PDGFC: variants seen among roughly 807,000 people sequenced by gnomAD.
The protein encoded by PDGFC is platelet-derived growth factor C.
PDGFC carries 12 observed loss-of-function variants against 35.5 expected under a neutral mutation model. The observed-to-expected ratio is 0.34, with a 90% CI of 0.22 to 0.55. PDGFC has a LOEUF of 0.55. PDGFC is among the 20% of genes least tolerant of loss of function. The pLI, the probability that PDGFC is intolerant of heterozygous loss-of-function variation, is 0.91. For synonymous variants in PDGFC, 159 were observed against 148.8 expected (o/e 1.07, Z -0.50); for missense variants, 322 against 412.4 (o/e 0.78, Z 1.90).
At chr4:156,770,625 T>C (rs1183606012) in intron 4 of PDGFC, 1 of 152,132 alleles carries the variant, frequency 6.6e-6, no homozygotes, top group Non-Finnish European at 1.5e-5. Context: ...CAGATTTTTT[T>C]CCTTTTCATA....
At chr4:156,859,499 C>T (rs1729658731) in intron 1 of PDGFC, among the ~76,000 whole-genome samples, 1 of 152,092 alleles carries the variant, frequency 6.6e-6, no homozygotes, top group Non-Finnish European at 1.5e-5. Context: ...TGTTTGGTTT[C>T]AGCAGTAATT....
chr4:156,847,851 A>G (rs1481794155), intron 2 of PDGFC, among the ~76,000 whole-genome samples: 2 of 132,520 alleles, frequency 1.5e-5, no homozygotes, highest in East Asian at 4.2e-4. Context: ...CAGTTAAGAC[A>G]GTGTCATTCA....
chr4:156,867,382 T>TA (rs1729870179), intron 1 of PDGFC, among the ~76,000 whole-genome samples: 1 of 152,248 alleles, frequency 6.6e-6, no homozygotes, highest in African/African-American at 2.4e-5. Context: ...TGCCAGGTGA[T>TA]ACTTCTTTCT....
chr4:156,870,025 C>T (rs1729941577), intron 1 of PDGFC, among the ~76,000 whole-genome samples: 1 of 151,346 alleles, frequency 6.6e-6, no homozygotes, highest in African/African-American at 2.4e-5. Context: ...CATGTATTTT[C>T]CCATATTGAT....
intron 3 of PDGFC, among the ~76,000 whole-genome samples, chr4:156,802,011 A>C (rs1731624564): frequency 6.6e-6 from 1 of 152,102 alleles, no homozygotes; most frequent in Admixed American, 6.6e-5. Context: ...CAAATACATA[A>C]TTGTCTATTT....
chr4:156,818,282 C>G (rs1190211479), intron 2 of PDGFC, among the ~76,000 whole-genome samples: 1 of 151,552 alleles, frequency 6.6e-6, no homozygotes, highest in Non-Finnish European at 1.5e-5. Flanking sequence ...TTATGGCAAC[C>G]CTGTGTGAAA....
intron 2 of PDGFC, among the ~76,000 whole-genome samples, chr4:156,833,134 T>C (rs1469172419): frequency 6.6e-6 from 1 of 152,240 alleles, no homozygotes; most frequent in South Asian, 2.1e-4. Context: ...CACAAGGCTG[T>C]ACATTTCTGT....
At chr4:156,944,425 T>C (rs796287990) in intron 1 of PDGFC, among the ~76,000 whole-genome samples, 21 of 152,258 alleles carry the variant, frequency 1.4e-4, no homozygotes, top group African/African-American at 4.3e-4. Context: ...TGCTTCTTTC[T>C]CTTCTATTGA....
In PDGFC at chr4:156,971,534, C is replaced by T. The variant is rs1579135208; in HGVS notation, c.-631G>A. 2 of 180,096 alleles carry T rather than the reference C, an allele frequency of 1.1e-5. No individual in the cohort carries two copies. The highest frequency in any genetic ancestry group is 3.2e-4 in the East Asian group (2 of 6,298). The allele number at this position is 180,096 out of a possible 1,614,324, so 11.2% of individuals were successfully genotyped here. A position where few individuals can be genotyped will look rare whatever the true frequency, so the allele number is the denominator to read the frequency against. Reference sequence around the variant, plus strand: ...GGGCCGACGGCGGCCCGGGCGCAGGCGGAGAGAGGCCGCGGGGCTCCCGCT... The same window carrying T: ...GGGCCGACGGCGGCCCGGGCGCAGGTGGAGAGAGGCCGCGGGGCTCCCGCT... On this transcript the variant is annotated 5_prime_UTR_variant, in exon 1 of 6. Coordinates refer to ENST00000502773, the MANE Select transcript of PDGFC (RefSeq NM_016205.3).
chr4:156,761,781 T>C lies in PDGFC; in HGVS notation c.*1309A>G, dbSNP rs1414458194. ...CAATAAGTGAACTGGTTAAGAGACA[T>C]ACTTCTGTACATAAAAATATCCATG... On this transcript the variant is annotated 3_prime_UTR_variant, in exon 6 of 6. Transcript: ENST00000502773. The C allele has an allele frequency of 2.6e-5, 4 of 152,660 alleles. No homozygotes were observed. The highest frequency in any genetic ancestry group is 9.6e-5 in the African/African-American group (4 of 41,466). The allele number at this position is 152,660 out of a possible 1,614,324, so 9.5% of individuals were successfully genotyped here. A position where few individuals can be genotyped will look rare whatever the true frequency, so the allele number is the denominator to read the frequency against.
chr4:156,930,706 A>G (rs982093027), intron 1 of PDGFC, among the ~76,000 whole-genome samples: 1 of 151,924 alleles, frequency 6.6e-6, no homozygotes, highest in Non-Finnish European at 1.5e-5. Context: ...TGTCTCTACT[A>G]AAAAAACAAA....
At chr4:156,888,871 T>C (rs1262867768) in intron 1 of PDGFC, among the ~76,000 whole-genome samples, 1 of 152,164 alleles carries the variant, frequency 6.6e-6, no homozygotes, top group Non-Finnish European at 1.5e-5. Flanking sequence ...ATTAGAGAGA[T>C]TGCTCACCCA....
chr4:156,800,079 A>G (rs1215294065), intron 3 of PDGFC, among the ~76,000 whole-genome samples: 4 of 152,162 alleles, frequency 2.6e-5, no homozygotes. Context: ...GTCAAGAGGC[A>G]GTCTGATTTT....
Position 156,762,997 on chromosome 4 carries a change from T to G in PDGFC, c.*93A>C. On this transcript the variant is annotated 3_prime_UTR_variant, in exon 6 of 6. Coordinates refer to ENST00000502773, the MANE Select transcript of PDGFC (RefSeq NM_016205.3). The stretch of plus-strand genomic sequence containing the variant: ...ATGAAAGGTCCTTGAAGCAAACAAC[T>G]GAGATTAAGGATGGAGATAACGCAT... 1.3e-5 allele frequency: 9 copies of G among 709,566 alleles called. No homozygotes were observed. Among genetic ancestry groups the G allele is most frequent in the Non-Finnish European group, 2.4e-5 (9 of 380,372 alleles). 44.0% of individuals were successfully genotyped at this position (709,566 alleles called of 1,614,324 possible).
chr4:156,886,356 T>A (rs1265321285), intron 1 of PDGFC, among the ~76,000 whole-genome samples: 1 of 152,212 alleles, frequency 6.6e-6, no homozygotes, highest in Non-Finnish European at 1.5e-5. Flanking sequence ...AACTGCTACT[T>A]CATCCCAAAA....
chr4:156,862,833 T>C (rs1299830537), intron 1 of PDGFC, among the ~76,000 whole-genome samples: 1 of 151,930 alleles, frequency 6.6e-6, no homozygotes, highest in East Asian at 1.9e-4. Flanking sequence ...TAGCTGGGAT[T>C]ACAGGCACCT....
chr4:156,765,078 T>A (rs10010158), intron 5 of PDGFC, among the ~76,000 whole-genome samples: 1 of 152,122 alleles, frequency 6.6e-6, no homozygotes, highest in Non-Finnish European at 1.5e-5. Flanking sequence ...CCTGTCTTTG[T>A]CTGCTGATGC....
At chr4:156,797,851 G>C (rs1731492089) in intron 3 of PDGFC, among the ~76,000 whole-genome samples, 1 of 152,096 alleles carries the variant, frequency 6.6e-6, no homozygotes, top group Admixed American at 6.6e-5. Context: ...CATCTAGTTA[G>C]GTTACAGTTC....
At chr4:156,888,123 G>A (rs900139076) in intron 1 of PDGFC, among the ~76,000 whole-genome samples, 2 of 152,002 alleles carry the variant, frequency 1.3e-5, no homozygotes, top group African/African-American at 4.8e-5. Context: ...AATTACGGAG[G>A]TACCCATGGA....
Sources: allele counts gnomAD v4.1 joint callset (sites outside exome capture counted in the v4.1 genomes callset), GRCh38; gene constraint gnomAD v4.1.1; transcripts MANE v1.5; gene names NCBI Gene and HGNC (gene_info 2026-07-23, HGNC 2026-07-21).